The following PPP1R9A variants were observed in gnomAD, a reference collection of about 807,000 sequenced individuals.
The protein encoded by PPP1R9A is neurabin-1.
Under a neutral mutation model 141.9 loss-of-function variants are expected in PPP1R9A, and 59 were observed. The ratio of observed to expected loss-of-function variants is 0.42; its 90% CI spans 0.34 to 0.52. The LOEUF is 0.52. PPP1R9A is among the 20% of genes least tolerant of loss of function. PPP1R9A has a pLI of 0.10. For synonymous variants in PPP1R9A, 500 were observed against 569.7 expected, an observed-to-expected ratio of 0.88 and a Z score of 1.74; for missense variants, 1,444 against 1,611.9, an observed-to-expected ratio of 0.90 and a Z score of 1.78.
Position 95,251,972 on chromosome 7 carries a change from A to C in PPP1R9A, c.2507A>C (p.Glu836Ala), listed in dbSNP as rs1798936694. Residue 836 changes from glutamate (E) to alanine (A), a missense_variant, in exon 12 of 20, where the codon GAA becomes GCA. By Grantham distance (107) the Glu-to-Ala change is moderately radical. Around this residue, in one of 5 missense-constraint regions of PPP1R9A, gnomAD observed 488 missense variants for 542.0 expected, o/e 0.90. Transcript: ENST00000433360. ...TGTTTTTCCTAGATTAGAGATTTGGAAGCTGAGGTATTCAGGCTACTGAAG... is the reference window on the plus strand; with the variant it reads ...TGTTTTTCCTAGATTAGAGATTTGGCAGCTGAGGTATTCAGGCTACTGAAG... The part of the protein sequence containing the change: ...QGLQVRIRDL[E>A]AEVFRLLKQN... 1 of 1,606,156 alleles carries C rather than the reference A, an allele frequency of 6.2e-7. No homozygotes were observed. Among genetic ancestry groups the C allele is most frequent in the Non-Finnish European group, 8.5e-7 (1 of 1,177,980 alleles).
intron 4 of PPP1R9A, among the ~76,000 whole-genome samples, chr7:95,141,848 G>GT (rs1826757987): frequency 6.6e-6 from 1 of 152,078 alleles, no homozygotes; most frequent in Non-Finnish European, 1.5e-5. Context: ...TCATGTGATA[G>GT]TTTTTGTGTG....
At position 95,108,302 on chromosome 7, in the gene PPP1R9A, CTTTTCTTTTTTT is replaced by C. The variant is rs1819888283; in HGVS notation, c.1396-2952_1396-2941del. 4.4e-5 allele frequency among the ~76,000 whole-genome samples: 3 copies of C among 68,758 alleles called. No homozygotes were observed. In the South Asian group the frequency reaches 1.2e-3, roughly 27 times the overall value. 45.1% of individuals were successfully genotyped at this position (68,758 alleles called of 152,430 possible). On this transcript the variant is annotated intron_variant, in intron 2 of 19. Transcript: ENST00000433360. ...TTTTCTTTTCTTTTCTTTTTCGTTT[CTTTTCTTTTTTT>C]TTTTTTTTTTTTTTTTTTTGAGACA... is the stretch of plus-strand genomic sequence containing the variant.
In PPP1R9A at chr7:94,928,168, G is replaced by A. The variant is rs190970273; in HGVS notation, c.1395+16660G>A. The stretch of plus-strand genomic sequence containing the variant: ...GAATAAGAATTAATTAGGTAGAGAA[G>A]TGAAAAATCCTAAGCTGAGGGAAAA... On this transcript the variant is annotated intron_variant, in intron 2 of 19. Coordinates refer to ENST00000433360, the MANE Select transcript of PPP1R9A (RefSeq NM_001166160.2). 1.5e-3 allele frequency among the ~76,000 whole-genome samples: 223 copies of A among 152,190 alleles called. 2 individuals carry two copies. The highest frequency in any genetic ancestry group is 1.9e-3 in the Non-Finnish European group (127 of 67,988).
At chr7:95,168,898 G>A (rs1010740540) in intron 5 of PPP1R9A, among the ~76,000 whole-genome samples, 7 of 152,016 alleles carry the variant, frequency 4.6e-5, no homozygotes, top group African/African-American at 1.7e-4. Flanking sequence ...ACGCTGACAA[G>A]GATGTGGAGA....
intron 2 of PPP1R9A, chr7:95,098,436 C>T (rs985732318): frequency 6.6e-5 from 10 of 151,748 alleles, no homozygotes; most frequent in Admixed American, 6.6e-4. Flanking sequence ...CTGTGAAGAG[C>T]CTGGTCATCA....
chr7:95,096,450 A>G (rs1464129186), intron 2 of PPP1R9A, among the ~76,000 whole-genome samples: 2 of 152,170 alleles, frequency 1.3e-5, no homozygotes, highest in Admixed American at 1.3e-4. Flanking sequence ...CCTCACCAGG[A>G]TCACTTGGAG....
chr7:95,165,539 A>G (rs973511948), intron 5 of PPP1R9A, among the ~76,000 whole-genome samples: 12 of 152,242 alleles, frequency 7.9e-5, no homozygotes, highest in Admixed American at 6.5e-5. Context: ...TCACCAAGCC[A>G]CAATTGAACA....
chr7:95,202,204 C>T (rs1278175213), intron 6 of PPP1R9A, among the ~76,000 whole-genome samples: 2 of 152,072 alleles, frequency 1.3e-5, no homozygotes, highest in African/African-American at 4.8e-5. Flanking sequence ...AGAATTTAAG[C>T]TATGTAGATA....
At chr7:95,104,233 T>A (rs560060392) in intron 2 of PPP1R9A, among the ~76,000 whole-genome samples, 1 of 152,312 alleles carries the variant, frequency 6.6e-6, no homozygotes, top group Admixed American at 6.5e-5. Context: ...AGTACTCCAT[T>A]TGATCCTGTT....
intron 2 of PPP1R9A, among the ~76,000 whole-genome samples, chr7:94,960,384 GGGA>G (rs2151115697): frequency 6.6e-6 from 1 of 151,640 alleles, no homozygotes; most frequent in Admixed American, 6.6e-5. Flanking sequence ...TGCTGAGGGA[GGGA>G]GGGGGAAATA....
At chr7:94,927,391 T>G (rs1199494169) in intron 2 of PPP1R9A, among the ~76,000 whole-genome samples, 2 of 152,194 alleles carry the variant, frequency 1.3e-5, no homozygotes, top group Non-Finnish European at 2.9e-5. Context: ...TGAAGGTTCA[T>G]TATATTATTT....
chr7:94,949,501 T>C (rs1198117754), intron 2 of PPP1R9A, among the ~76,000 whole-genome samples: 1 of 152,138 alleles, frequency 6.6e-6, no homozygotes, highest in Non-Finnish European at 1.5e-5. Flanking sequence ...ATGCAAGTGT[T>C]GTGGCCCCCA....
chr7:95,106,764 C>CT (rs201530420), intron 2 of PPP1R9A, among the ~76,000 whole-genome samples: 3 of 152,094 alleles, frequency 2.0e-5, no homozygotes, highest in Admixed American at 6.5e-5. Context: ...CAAAAGTATC[C>CT]TTTTTTTCTA....
intron 2 of PPP1R9A, among the ~76,000 whole-genome samples, chr7:95,050,670 G>A (rs771123179): frequency 1.3e-5 from 2 of 152,156 alleles, no homozygotes; most frequent in Non-Finnish European, 2.9e-5. Flanking sequence ...AGGTTGCAGT[G>A]AGCCAAGATT....
intron 2 of PPP1R9A, among the ~76,000 whole-genome samples, chr7:95,056,376 C>T (rs1178835072): frequency 1.3e-5 from 2 of 152,120 alleles, no homozygotes; most frequent in East Asian, 1.9e-4. Flanking sequence ...GATCAATATG[C>T]TGGTTTATCG....
Position 95,105,381 on chromosome 7 carries a change from A to T in PPP1R9A, c.1396-5878A>T, listed in dbSNP as rs527445354. On this transcript the variant is annotated intron_variant, in intron 2 of 19. Transcript: ENST00000433360. ...ATGTCCTTGCTAACCGTGTTTGTAAACTTGTTACCCCTGAAAGCCTGTCTC... is the reference window on the plus strand; with the variant it reads ...ATGTCCTTGCTAACCGTGTTTGTAATCTTGTTACCCCTGAAAGCCTGTCTC... 7.0e-4 allele frequency among the ~76,000 whole-genome samples: 107 copies of T among 152,236 alleles called. 2 individuals are homozygous for T. The highest frequency in any genetic ancestry group is 2.0e-4 in the Admixed American group (3 of 15,288).
chr7:95,148,250 A>G (rs1441710161), intron 4 of PPP1R9A, among the ~76,000 whole-genome samples: 3 of 152,302 alleles, frequency 2.0e-5, no homozygotes, highest in African/African-American at 7.2e-5. Context: ...CAGTAGAGAA[A>G]GTCAGTAACA....
At chr7:95,009,993 A>G (rs1804183994) in intron 2 of PPP1R9A, among the ~76,000 whole-genome samples, 1 of 152,206 alleles carries the variant, frequency 6.6e-6, no homozygotes, top group Non-Finnish European at 1.5e-5. Flanking sequence ...GAGCCTTTCC[A>G]TGCTAGAGAT....
intron 2 of PPP1R9A, among the ~76,000 whole-genome samples, chr7:95,052,349 A>G (rs1810939403): frequency 6.6e-6 from 1 of 152,206 alleles, no homozygotes; most frequent in Non-Finnish European, 1.5e-5. Context: ...GATGGCCTGA[A>G]GCAAGACTGT....
Sources: allele counts gnomAD v4.1 joint callset (sites outside exome capture counted in the v4.1 genomes callset), GRCh38; gene constraint gnomAD v4.1.1; regional missense constraint gnomAD v4.1.1; transcripts MANE v1.5; gene names NCBI Gene and HGNC (gene_info 2026-07-23, HGNC 2026-07-21).